The following ABRAXAS2 variants were observed in gnomAD, a reference collection of about 807,000 sequenced individuals.
The protein encoded by ABRAXAS2 is abraxas 2, BRISC complex subunit, also known as BRISC complex subunit Abraxas 2.
ABRAXAS2 carries 23 observed loss-of-function variants against 49.0 expected under a neutral mutation model. That is an observed-to-expected ratio of 0.47 (90% CI 0.34 to 0.66). The LOEUF (loss-of-function observed/expected upper bound fraction) is 0.66, where lower values mean the gene tolerates loss of function less well. Among genes scored for constraint, ABRAXAS2 ranks in the 30% least tolerant of loss-of-function variants. The pLI, the probability that ABRAXAS2 is intolerant of heterozygous loss-of-function variation, is 0.01. For missense variants in ABRAXAS2, 443 were observed against 511.9 expected, an observed-to-expected ratio of 0.87 and a Z score of 1.30; for synonymous variants, 168 against 180.2, an observed-to-expected ratio of 0.93 and a Z score of 0.54.
rs187310251 is a variant in ABRAXAS2 at position 124,818,545 on chromosome 10, A to G, written c.201-839A>G. Among the ~76,000 whole-genome samples the G allele has an allele frequency of 2.0e-5, 3 of 152,356 alleles. No individual in the cohort carries two copies. The East Asian group carries it at 5.8e-4, about 29-fold the overall frequency. Reference sequence around the variant, plus strand: ...TGCCCCAGATCATATAGTGAGAAACAGAACTGGAGCTGGAGCTTGTGTCTC... The same window carrying G: ...TGCCCCAGATCATATAGTGAGAAACGGAACTGGAGCTGGAGCTTGTGTCTC... On this transcript the variant is annotated intron_variant, in intron 3 of 8. Coordinates refer to ENST00000298492, the MANE Select transcript of ABRAXAS2 (RefSeq NM_032182.4).
At chr10:124,832,180 CT>C (rs1950937767) in intron 8 of ABRAXAS2, among the ~76,000 whole-genome samples, 1 of 151,914 alleles carries the variant, frequency 6.6e-6, no homozygotes, top group South Asian at 2.1e-4. Flanking sequence ...TTAATATAGC[CT>C]CATAGAGGAG....
intron 2 of ABRAXAS2, among the ~76,000 whole-genome samples, chr10:124,814,094 C>T (rs572751112): frequency 1.3e-4 from 20 of 151,500 alleles, no homozygotes; most frequent in African/African-American, 2.7e-4. Flanking sequence ...CAGTTTCAAG[C>T]GGTTCTCCTG....
intron 2 of ABRAXAS2, among the ~76,000 whole-genome samples, chr10:124,809,723 T>C (rs1034233810): frequency 6.6e-6 from 1 of 152,064 alleles, no homozygotes; most frequent in Non-Finnish European, 1.5e-5. Context: ...CCAACACAAA[T>C]TGGTAAACTT....
In ABRAXAS2 at chr10:124,831,842, C is replaced by CTTT. The variant is rs71029219; in HGVS notation, c.778+407_778+409dup. Among the ~76,000 whole-genome samples, 67 of 37,720 alleles carry CTTT rather than the reference C, an allele frequency of 1.8e-3. 3 individuals carry two copies. Among genetic ancestry groups the CTTT allele is most frequent in the South Asian group, 4.3e-3 (3 of 692 alleles). 24.7% of individuals were successfully genotyped at this position (37,720 alleles called of 152,430 possible). A position where few individuals can be genotyped will look rare whatever the true frequency, so the allele number is the denominator to read the frequency against. ...CCAGCAGGTAGGCACTGTGTCCTGT[C>CTTT]TTTTTTTTTTTTTTTTTTTTTTTTT... On this transcript the variant is annotated intron_variant, in intron 8 of 8. Coordinates refer to ENST00000298492, the MANE Select transcript of ABRAXAS2 (RefSeq NM_032182.4).
intron 5 of ABRAXAS2, among the ~76,000 whole-genome samples, chr10:124,827,479 G>A (rs1049781470): frequency 2.0e-5 from 3 of 151,934 alleles, no homozygotes; most frequent in African/African-American, 7.2e-5. Context: ...TCTTTTTGTG[G>A]TTACGGAAGG....
In ABRAXAS2 at chr10:124,808,626, G is replaced by A. The variant is rs371010851; in HGVS notation, c.163+1705G>A. The stretch of plus-strand genomic sequence containing the variant: ...AGACAGTGCGAGAAGAATTCTATAA[G>A]AAAGTAACAGAGAAAATCCCCGAAC... On this transcript the variant is annotated intron_variant, in intron 2 of 8. Coordinates refer to ENST00000298492, the MANE Select transcript of ABRAXAS2 (RefSeq NM_032182.4). Among the ~76,000 whole-genome samples, 22 of 152,260 alleles carry A rather than the reference G, an allele frequency of 1.4e-4. No homozygotes were observed. In the East Asian group the frequency reaches 3.7e-3, roughly 25 times the overall value.
At chr10:124,817,119 T>A (rs1205008659) in intron 3 of ABRAXAS2, among the ~76,000 whole-genome samples, 1 of 152,306 alleles carries the variant, frequency 6.6e-6, no homozygotes, top group East Asian at 1.9e-4. Flanking sequence ...GTTTCACTTA[T>A]GAATGAGGCA....
rs1376234906 is a variant in ABRAXAS2, at chr10:124,836,105, C to T, written c.*1134C>T. ...CTAAGACATTCAGGAGCATGTTGAG[C>T]TTCTGGTTTGGAAACAGCAAGACCC... On this transcript the variant is annotated 3_prime_UTR_variant, in exon 9 of 9. Transcript: ENST00000298492. 1 of 152,528 alleles carries T rather than the reference C, an allele frequency of 6.6e-6. No individual in the cohort carries two copies. Among genetic ancestry groups the T allele is most frequent in the Non-Finnish European group, 1.5e-5 (1 of 68,024 alleles). The allele number at this position is 152,528 out of a possible 1,614,324, so 9.4% of individuals were successfully genotyped here.
At chr10:124,818,976 A>G (rs1193898559) in intron 3 of ABRAXAS2, among the ~76,000 whole-genome samples, 1 of 152,234 alleles carries the variant, frequency 6.6e-6, no homozygotes, top group Non-Finnish European at 1.5e-5. Flanking sequence ...CTGAGAAAGT[A>G]GGCAGCCCAA....
rs1368711007 is a variant in ABRAXAS2, at chr10:124,802,131, C to T, written c.72+230C>T. Reference sequence around the variant, plus strand: ...CGCGCTCTCAGCCGCTCGGCCGTCCCGGCACAGCCGTCTCCCGTGCAGCAA... The same window carrying T: ...CGCGCTCTCAGCCGCTCGGCCGTCCTGGCACAGCCGTCTCCCGTGCAGCAA... On this transcript the variant is annotated intron_variant, in intron 1 of 8. Coordinates refer to ENST00000298492, the MANE Select transcript of ABRAXAS2 (RefSeq NM_032182.4). Among the ~76,000 whole-genome samples, 3 of 152,222 alleles carry T rather than the reference C, an allele frequency of 2.0e-5. No homozygotes were observed. In the East Asian group the frequency reaches 5.8e-4, roughly 29 times the overall value.
In ABRAXAS2 at chr10:124,816,567, T is replaced by C. The variant is rs1950826503; in HGVS notation, c.164-9T>C. 6.3e-7 allele frequency: 1 copy of C among 1,595,050 alleles called. No individual in the cohort carries two copies. Among genetic ancestry groups the C allele is most frequent in the Non-Finnish European group, 8.6e-7 (1 of 1,163,824 alleles). Reference sequence around the variant, plus strand: ...TTAACTAAGATGTATTTCCTCTTTCTAATTACAGAAATCCATAACCATCAG... The same window carrying C: ...TTAACTAAGATGTATTTCCTCTTTCCAATTACAGAAATCCATAACCATCAG... On this transcript the variant is annotated splice_polypyrimidine_tract_variant and intron_variant, in intron 2 of 8. Transcript: ENST00000298492.
intron 4 of ABRAXAS2, among the ~76,000 whole-genome samples, chr10:124,825,573 C>A (rs186693377): frequency 6.6e-6 from 1 of 152,032 alleles, no homozygotes; most frequent in Admixed American, 6.6e-5. Context: ...CAATGCTAGC[C>A]TCAGCAAAAG....
intron 1 of ABRAXAS2, among the ~76,000 whole-genome samples, chr10:124,802,537 A>C (rs1950713186): frequency 6.6e-6 from 1 of 152,166 alleles, no homozygotes; most frequent in Admixed American, 6.5e-5. Flanking sequence ...GAAATAGGGA[A>C]GTGACAGGCC....
intron 2 of ABRAXAS2, chr10:124,814,972 G>C (rs1208034224): frequency 6.6e-6 from 1 of 152,048 alleles, no homozygotes; most frequent in Admixed American, 6.6e-5. Context: ...GACTAGTCAA[G>C]TGCAGTAGTG....
intron 4 of ABRAXAS2, among the ~76,000 whole-genome samples, chr10:124,820,402 C>T (rs989369944): frequency 7.9e-5 from 12 of 152,146 alleles, no homozygotes; most frequent in Admixed American, 7.2e-4. Context: ...TCTTAGCAGC[C>T]CGTCCCTCAT....
chr10:124,816,570 T>C lies in ABRAXAS2; in HGVS notation c.164-6T>C, dbSNP rs749123931. On this transcript the variant is annotated splice_region_variant and splice_polypyrimidine_tract_variant and intron_variant, in intron 2 of 8. Coordinates refer to ENST00000298492, the MANE Select transcript of ABRAXAS2 (RefSeq NM_032182.4). ...ACTAAGATGTATTTCCTCTTTCTAATTACAGAAATCCATAACCATCAGCCT... is the reference window on the plus strand; with the variant it reads ...ACTAAGATGTATTTCCTCTTTCTAACTACAGAAATCCATAACCATCAGCCT... 1 of 1,596,034 alleles carries C rather than the reference T, an allele frequency of 6.3e-7. No homozygotes were observed. The highest frequency in any genetic ancestry group is 1.1e-5 in the South Asian group (1 of 90,612).
chr10:124,808,995 G>A (rs1254905064), intron 2 of ABRAXAS2, among the ~76,000 whole-genome samples: 6 of 152,092 alleles, frequency 3.9e-5, no homozygotes, highest in Non-Finnish European at 7.3e-5. Flanking sequence ...GCCGGGTGTG[G>A]TGGCACATGC....
At chr10:124,810,188 A>G (rs1950777864) in intron 2 of ABRAXAS2, among the ~76,000 whole-genome samples, 1 of 152,208 alleles carries the variant, frequency 6.6e-6, no homozygotes, top group Non-Finnish European at 1.5e-5. Context: ...CTGGTGGATC[A>G]AAACTATAAA....
In ABRAXAS2 at chr10:124,835,226, A is replaced by T. The variant is rs1950962343; in HGVS notation, c.*255A>T. ...TGGTGCGATTCATGGATATACTGGT[A>T]AATTTAGGCAAAGTGAAACTTATCA... On this transcript the variant is annotated 3_prime_UTR_variant, in exon 9 of 9. Transcript: ENST00000298492. The T allele has an allele frequency of 3.0e-6, 1 of 331,352 alleles. No homozygotes were observed. Among genetic ancestry groups the T allele is most frequent in the Non-Finnish European group, 5.5e-6 (1 of 182,512 alleles). The allele number at this position is 331,352 out of a possible 1,614,324, so 20.5% of individuals were successfully genotyped here.
Sources: allele counts gnomAD v4.1 joint callset (sites outside exome capture counted in the v4.1 genomes callset), GRCh38; gene constraint gnomAD v4.1.1; transcripts MANE v1.5; gene names NCBI Gene and HGNC (gene_info 2026-07-23, HGNC 2026-07-21).